The following ANXA9 variants were observed in gnomAD, a reference collection of about 807,000 sequenced individuals.
ANXA9 encodes annexin 31.
In ANXA9, 47 loss-of-function variants were observed where a neutral mutation model predicts 51.8. The observed-to-expected ratio is 0.91, with a 90% CI of 0.72 to 1.16. The LOEUF is 1.16. Among genes scored for constraint, ANXA9 ranks in the 50% most tolerant of loss-of-function variants. The pLI is 0.00. For missense variants in ANXA9, 361 were observed against 424.7 expected (o/e 0.85, Z 1.32); for synonymous variants, 154 against 168.7 (o/e 0.91, Z 0.68).
chr1:150,988,252 T>C (rs1671616950), intron 11 of ANXA9, 31 bp from the exon 12 acceptor site: 1 of 1,614,066 alleles, frequency 6.2e-7, no homozygotes. Flanking sequence ...GTCCTAGTTG[T>C]GAACCTCCAT....
intron 12 of ANXA9, among the ~76,000 whole-genome samples, chr1:150,992,463 T>C (rs1168315855): frequency 6.6e-6 from 1 of 152,062 alleles, no homozygotes. Flanking sequence ...ATAGGAGAAT[T>C]GCTTGAACCT....
chr1:150,979,886 CACA>C (rs1308156638), upstream of ANXA9, among the ~76,000 whole-genome samples: 1 of 152,206 alleles, frequency 6.6e-6, no homozygotes, highest in Non-Finnish European at 1.5e-5. Context: ...ATTTAATTCT[CACA>C]ACAACCTATA....
chr1:150,994,611 T>A lies in ANXA9; in HGVS notation c.887T>A (p.Ile296Asn). 1 of 1,614,030 alleles carries A rather than the reference T, an allele frequency of 6.2e-7. No homozygotes were observed. Among genetic ancestry groups the A allele is most frequent in the South Asian group, 1.1e-5 (1 of 91,074 alleles). The part of the protein sequence containing the change: ...TEPNYQVLIR[I>N]LISRCETDLL... The stretch of plus-strand genomic sequence containing the variant: ...CCCAATTACCAAGTCCTGATTCGCA[T>A]CCTTATCTCTCGATGTGAGACTGAC... The change falls in exon 13 of 14, where the codon ATC becomes AAC. Residue 296 changes from isoleucine to asparagine, a missense_variant. Physicochemically the swap from Ile to Asn is moderately radical, Grantham distance 149. Coordinates refer to ENST00000368947, the MANE Select transcript of ANXA9 (RefSeq NM_003568.3).
In ANXA9 at chr1:150,982,513, G is replaced by A. The variant is rs1315067484; in HGVS notation, c.-87G>A. 6.6e-6 allele frequency: 1 copy of A among 152,550 alleles called. No individual in the cohort carries two copies. The highest frequency in any genetic ancestry group is 1.5e-5 in the Non-Finnish European group (1 of 68,280). 9.4% of individuals were successfully genotyped at this position (152,550 alleles called of 1,614,324 possible). On this transcript the variant is annotated 5_prime_UTR_variant, in exon 2 of 14. Transcript: ENST00000368947. ...CATCCACGTACTTGCAAGAACTCTT[G>A]CTCACATCAGCTAAGAGATTGCACC...
chr1:150,984,368 G>T lies in ANXA9; in HGVS notation c.355G>T (p.Ala119Ser), dbSNP rs16832602. The T allele has an allele frequency of 1.2e-6, 2 of 1,614,054 alleles. No individual in the cohort carries two copies. Among genetic ancestry groups the T allele is most frequent in the Non-Finnish European group, 1.7e-6 (2 of 1,180,052 alleles). ...GCTGCAGCCCACAGCCCAGTTTGACGCCCAGGAATTGAGGACAGCTCTGAA... is the reference window on the plus strand; with the variant it reads ...GCTGCAGCCCACAGCCCAGTTTGACTCCCAGGAATTGAGGACAGCTCTGAA... ...ALLQPTAQFD[A>S]QELRTALKAS... The change falls in exon 6 of 14, where the codon GCC becomes TCC. Residue 119 changes from alanine (A) to serine (S), a missense_variant. Coordinates refer to ENST00000368947, the MANE Select transcript of ANXA9 (RefSeq NM_003568.3).
Position 150,995,519 on chromosome 1 carries a change from C to T in ANXA9, c.*197C>T, listed in dbSNP as rs1406350239. The T allele has an allele frequency of 9.9e-6, 5 of 503,546 alleles. 1 individual carries two copies. The highest frequency in any genetic ancestry group is 2.0e-5 in the African/African-American group (1 of 49,904). The allele number at this position is 503,546 out of a possible 1,614,324, so 31.2% of individuals were successfully genotyped here. ...CTCAAAATTATATCTGTACCTGGGT[C>T]ATCCAGCTCCTTCTTGGGTGTGGGG... is the stretch of plus-strand genomic sequence containing the variant. On this transcript the variant is annotated 3_prime_UTR_variant, in exon 14 of 14. Coordinates refer to ENST00000368947, the MANE Select transcript of ANXA9 (RefSeq NM_003568.3).
intron 12 of ANXA9, among the ~76,000 whole-genome samples, chr1:150,992,416 G>C (rs1240294300): frequency 6.6e-6 from 1 of 152,184 alleles, no homozygotes; most frequent in Admixed American, 6.5e-5. Flanking sequence ...AGGTGTGGTG[G>C]TGTGCACCTG....
chr1:150,995,226 G>A (rs1362586868), intron 13 of ANXA9, 34 bp from the exon 14 acceptor site: 7 of 1,596,358 alleles, frequency 4.4e-6, no homozygotes, highest in Non-Finnish European at 6.0e-6. Context: ...TAGTGGTGGT[G>A]GATCTTTCTA....
Position 150,983,959 on chromosome 1 carries a change from C to G in ANXA9, c.173-16C>G, listed in dbSNP as rs1332421526. On this transcript the variant is annotated splice_polypyrimidine_tract_variant and intron_variant, in intron 4 of 13. Coordinates refer to ENST00000368947, the MANE Select transcript of ANXA9 (RefSeq NM_003568.3). Reference sequence around the variant, plus strand: ...GTAAAGACCCTGCTCACAGCACAGCCCTCATCTCGGTTCAGGCGTGGACCG... The same window carrying G: ...GTAAAGACCCTGCTCACAGCACAGCGCTCATCTCGGTTCAGGCGTGGACCG... The G allele has an allele frequency of 1.9e-6, 3 of 1,608,582 alleles. No individual in the cohort carries two copies. Among genetic ancestry groups the G allele is most frequent in the African/African-American group, 1.3e-5 (1 of 74,808 alleles).
At chr1:150,988,246 TAGTTGTGAACCTCC>T in intron 11 of ANXA9, 23 bp from the exon 12 acceptor site, 1 of 1,614,208 alleles carries the variant, frequency 6.2e-7, no homozygotes, top group Non-Finnish European at 8.5e-7. Flanking sequence ...ATTGTGGTCC[TAGTTGTGAACCTCC>T]ATCCTTCCAT....
chr1:150,984,775 T>C, intron 7 of ANXA9, 99 bp downstream of exon 7: 1 of 1,010,482 alleles, frequency 9.9e-7, no homozygotes, highest in Non-Finnish European at 1.5e-6. Context: ...TCTGGCAACC[T>C]GGCTGCCTAA....
At chr1:150,994,540 T>C (rs1671784555) in intron 12 of ANXA9, 37 bp from the exon 13 acceptor site, 9 of 1,611,598 alleles carry the variant, frequency 5.6e-6, no homozygotes, top group Non-Finnish European at 7.6e-6. Flanking sequence ...AGTGAGACTC[T>C]CACTAACTAC....
chr1:150,983,820 G>T (rs1389062377), intron 4 of ANXA9, among the ~76,000 whole-genome samples, 155 bp from the exon 5 acceptor site: 1 of 151,956 alleles, frequency 6.6e-6, no homozygotes, highest in African/African-American at 2.4e-5. Flanking sequence ...CATTTTATTT[G>T]CAACTTCTTT....
upstream of ANXA9, among the ~76,000 whole-genome samples, chr1:150,978,453 T>C (rs1005435492): frequency 1.3e-5 from 2 of 152,006 alleles, no homozygotes; most frequent in African/African-American, 4.8e-5. Context: ...ATAAAAGCAA[T>C]GTGGGACTTG....
chr1:150,994,864 T>G, intron 13 of ANXA9, 165 bp downstream of exon 13: 1 of 957,268 alleles, frequency 1.0e-6, no homozygotes, highest in Non-Finnish European at 1.2e-6. Flanking sequence ...GAGGCTGAGG[T>G]GGGCGGATCA....
chr1:150,983,272 A>G lies in ANXA9; in HGVS notation c.76-66A>G. On this transcript the variant is annotated intron_variant, in intron 3 of 13. Coordinates refer to ENST00000368947, the MANE Select transcript of ANXA9 (RefSeq NM_003568.3). ...GCAGGAAAGTGGAGGACAGGCCCTG[A>G]GGTTATGCTGAGGAGGTGTAGGCAG... 17 of 1,598,900 alleles carry G rather than the reference A, an allele frequency of 1.1e-5. No homozygotes were observed. The South Asian group carries it at 1.9e-4, about 18-fold the overall frequency.
chr1:150,994,368 G>T lies in ANXA9; in HGVS notation c.853-209G>T, dbSNP rs779104329. Among the ~76,000 whole-genome samples the T allele has an allele frequency of 2.6e-5, 4 of 152,186 alleles. No homozygotes were observed. In the East Asian group the frequency reaches 7.7e-4, roughly 29 times the overall value. On this transcript the variant is annotated intron_variant, in intron 12 of 13. Coordinates refer to ENST00000368947, the MANE Select transcript of ANXA9 (RefSeq NM_003568.3). ...GTGGAAAGAAATAAATACTCAAGCTGCCCCCACAGAGACTGATCTTTCCTG... is the reference window on the plus strand; with the variant it reads ...GTGGAAAGAAATAAATACTCAAGCTTCCCCCACAGAGACTGATCTTTCCTG...
intron 12 of ANXA9, among the ~76,000 whole-genome samples, chr1:150,991,702 C>T (rs1322529401): frequency 4.6e-5 from 7 of 151,970 alleles, no homozygotes; most frequent in African/African-American, 9.7e-5. Flanking sequence ...CCACCACATC[C>T]GGCTAATTTT....
chr1:150,983,401 G>A lies in ANXA9; in HGVS notation c.139G>A (p.Ala47Thr), dbSNP rs1232707867. ...TFLNFSVDKD[A>T]QRLLRAITGQ... ...CTTGAACTTCAGCGTGGACAAGGAT[G>A]CGCAGAGGCTACTGAGGGCCATTAC... The change falls in exon 4 of 14, where the codon GCG becomes ACG. Residue 47 changes from alanine (A) to threonine (T), a missense_variant. By Grantham distance (58) the Ala-to-Thr change is moderately conservative. Transcript: ENST00000368947. The A allele has an allele frequency of 1.2e-6, 2 of 1,613,828 alleles. No individual in the cohort carries two copies.
Sources: gnomAD v4.1 joint callset for allele counts (sites outside exome capture counted in the v4.1 genomes callset) on GRCh38, gnomAD v4.1.1 for gene constraint, MANE v1.5 for transcripts, NCBI Gene and HGNC (gene_info 2026-07-23, HGNC 2026-07-21) for gene names.